ACSL3: variants seen among roughly 807,000 people sequenced by gnomAD.
ACSL3 encodes the protein acyl-CoA synthetase long chain family member 3.
ACSL3 carries 34 observed loss-of-function variants against 84.7 expected under a neutral mutation model. The observed-to-expected ratio is 0.40, with a 90% CI of 0.31 to 0.53. The LOEUF is 0.53. Ranked by LOEUF, ACSL3 falls within the 20% of genes least tolerant of loss-of-function variation. The pLI is 0.48. For missense variants in ACSL3, 680 were observed against 873.1 expected (o/e 0.78, Z 2.79); for synonymous variants, 315 against 299.4 (o/e 1.05, Z -0.54).
intron 16 of ACSL3, among the ~76,000 whole-genome samples, chr2:222,938,990 T>C (rs1350944419): frequency 1.3e-5 from 2 of 152,128 alleles, no homozygotes; most frequent in Non-Finnish European, 2.9e-5. Flanking sequence ...ATTTATACTT[T>C]CATTTTGTTC....
At chr2:222,919,035 G>A (rs911776768) in intron 6 of ACSL3, 29 bp from the exon 7 acceptor site, 41 of 1,608,528 alleles carry the variant, frequency 2.5e-5, no homozygotes, top group Non-Finnish European at 3.5e-5. Flanking sequence ...GAAAAATAAT[G>A]AACGTGATGA....
At chr2:222,906,954 C>CAAAA (rs1331699566) in intron 3 of ACSL3, among the ~76,000 whole-genome samples, 10 of 152,168 alleles carry the variant, frequency 6.6e-5, no homozygotes, top group Admixed American at 2.0e-4. Flanking sequence ...ATGAACTTTT[C>CAAAA]CATTCTTTGT....
At position 222,943,595 on chromosome 2, in the gene ACSL3, T is replaced by TAA. The variant is rs1324512819; in HGVS notation, c.*1941_*1942insAA. The TAA allele has an allele frequency of 2.0e-5, 3 of 153,754 alleles. No individual in the cohort carries two copies. Among genetic ancestry groups the TAA allele is most frequent in the African/African-American group, 7.2e-5 (3 of 41,508 alleles). 9.5% of individuals were successfully genotyped at this position (153,754 alleles called of 1,614,324 possible). Reference sequence around the variant, plus strand: ...TCTAATGAGGCAGGCTTAAACTCTATTTAGTTTCGTTTGTTTTCTCATATG... The same window carrying TAA: ...TCTAATGAGGCAGGCTTAAACTCTATAATTAGTTTCGTTTGTTTTCTCATATG... On this transcript the variant is annotated 3_prime_UTR_variant, in exon 17 of 17. Transcript: ENST00000357430.
intron 1 of ACSL3, among the ~76,000 whole-genome samples, chr2:222,874,781 C>A (rs903009479): frequency 4.6e-5 from 7 of 151,688 alleles, no homozygotes; most frequent in Non-Finnish European, 1.5e-5. Context: ...ATATATCCTG[C>A]TGAAGGATTT....
At chr2:222,926,770 A>G (rs984080699) in intron 11 of ACSL3, among the ~76,000 whole-genome samples, 1 of 152,226 alleles carries the variant, frequency 6.6e-6, no homozygotes, top group African/African-American at 2.4e-5. Flanking sequence ...ATACAAAACT[A>G]AACCTGACAA....
intron 12 of ACSL3, 66 bp downstream of exon 12, chr2:222,927,255 T>G (rs1298472996): frequency 1.7e-5 from 26 of 1,548,724 alleles, no homozygotes; most frequent in Non-Finnish European, 2.3e-5. Context: ...ATGGGATATT[T>G]TCTGCAAATA....
intron 16 of ACSL3, among the ~76,000 whole-genome samples, 197 bp from the exon 17 acceptor site, chr2:222,941,300 C>T (rs1001037132): frequency 2.6e-5 from 4 of 151,858 alleles, no homozygotes; most frequent in Admixed American, 6.6e-5. Flanking sequence ...AACTCATTTT[C>T]CTCTTGATGG....
chr2:222,940,475 CTTTT>C (rs543017870), intron 16 of ACSL3, among the ~76,000 whole-genome samples: 4 of 122,606 alleles, frequency 3.3e-5, no homozygotes, highest in Admixed American at 8.2e-5. Flanking sequence ...TGGAACTTGT[CTTTT>C]TTTTTTTTTT....
At chr2:222,888,455 A>T (rs1485722104) in intron 2 of ACSL3, among the ~76,000 whole-genome samples, 1 of 152,168 alleles carries the variant, frequency 6.6e-6, no homozygotes, top group Non-Finnish European at 1.5e-5. Context: ...ATTGAGTAGG[A>T]CTGCTGTAGG....
chr2:222,907,518 T>C (rs1164859357), intron 3 of ACSL3, among the ~76,000 whole-genome samples: 2 of 152,088 alleles, frequency 1.3e-5, no homozygotes, highest in Non-Finnish European at 2.9e-5. Context: ...CCCAGCACTT[T>C]GGGAGGCTCA....
At chr2:222,907,554 A>G (rs1696323754) in intron 3 of ACSL3, among the ~76,000 whole-genome samples, 1 of 152,066 alleles carries the variant, frequency 6.6e-6, no homozygotes, top group Non-Finnish European at 1.5e-5. Context: ...TGAAGCCAGG[A>G]GTTTGAGACC....
intron 3 of ACSL3, among the ~76,000 whole-genome samples, chr2:222,908,355 A>G (rs529290697): frequency 6.6e-6 from 1 of 152,196 alleles, no homozygotes; most frequent in Non-Finnish European, 1.5e-5. Flanking sequence ...GAGAGGATGG[A>G]TGTGTTGTAT....
At chr2:222,895,140 ACCATTCATTCTGCCACT>A (rs1225023088) in intron 2 of ACSL3, among the ~76,000 whole-genome samples, 2 of 152,032 alleles carry the variant, frequency 1.3e-5, no homozygotes, top group Non-Finnish European at 2.9e-5. Context: ...CTTTTCCATG[ACCATTCATTCTGCCACT>A]CTCCTAGATG....
intron 2 of ACSL3, among the ~76,000 whole-genome samples, chr2:222,894,670 T>C (rs1336614824): frequency 6.6e-6 from 1 of 151,380 alleles, no homozygotes; most frequent in African/African-American, 2.4e-5. Context: ...TCAGGGATAA[T>C]TTCTTAAAAA....
chr2:222,882,917 G>GCCA (rs1255854091), intron 1 of ACSL3, among the ~76,000 whole-genome samples: 15 of 152,002 alleles, frequency 9.9e-5, no homozygotes, highest in African/African-American at 3.6e-4. Flanking sequence ...ACAGGCAGAT[G>GCCA]CCACCATGCC....
At chr2:222,939,153 A>G (rs913056723) in intron 16 of ACSL3, among the ~76,000 whole-genome samples, 3 of 152,056 alleles carry the variant, frequency 2.0e-5, no homozygotes, top group Non-Finnish European at 4.4e-5. Context: ...ATCTTTTGAT[A>G]GCCTGTGTTT....
At chr2:222,919,869 T>C (rs1219101973) in intron 7 of ACSL3, among the ~76,000 whole-genome samples, 1 of 152,082 alleles carries the variant, frequency 6.6e-6, no homozygotes, top group Non-Finnish European at 1.5e-5. Flanking sequence ...TTGTGGACAG[T>C]GGTGTGTAAA....
intron 3 of ACSL3, among the ~76,000 whole-genome samples, chr2:222,905,888 C>G (rs1199429265): frequency 6.7e-6 from 1 of 150,086 alleles, no homozygotes; most frequent in Non-Finnish European, 1.5e-5. Context: ...TTCCAGAGTG[C>G]TAGAATTCAG....
rs1220176258 is a variant in ACSL3 at position 222,942,584 on chromosome 2, G to A, written c.*930G>A. On this transcript the variant is annotated 3_prime_UTR_variant, in exon 17 of 17. Transcript: ENST00000357430. The stretch of plus-strand genomic sequence containing the variant: ...GTTATCTATATTTGTAAACAAATTA[G>A]TCATGGAAAATTATTCTATCTCAAA... 3.0e-5 allele frequency: 6 copies of A among 197,420 alleles called. No individual in the cohort carries two copies. The East Asian group carries it at 3.2e-4, about 11-fold the overall frequency. 12.2% of individuals were successfully genotyped at this position (197,420 alleles called of 1,614,324 possible).
Sources: gnomAD v4.1 joint callset for allele counts (sites outside exome capture counted in the v4.1 genomes callset) on GRCh38, gnomAD v4.1.1 for gene constraint, MANE v1.5 for transcripts, NCBI Gene and HGNC (gene_info 2026-07-23, HGNC 2026-07-21) for gene names.